Variants in SH2D4B observed in about 807,000 individuals in gnomAD.
SH2D4B encodes the protein SH2 domain-containing protein 4B.
In SH2D4B, 45 loss-of-function variants were observed where a neutral mutation model predicts 61.5. That is an observed-to-expected ratio of 0.73 (90% confidence interval 0.58 to 0.94). SH2D4B has a LOEUF of 0.94. Among genes scored for constraint, SH2D4B ranks in the 40% least tolerant of loss-of-function variants. The pLI is 0.00. For missense variants in SH2D4B, 572 were observed against 574.2 expected, an observed-to-expected ratio of 1.00 and a Z score of 0.04; for synonymous variants, 224 against 220.4, an observed-to-expected ratio of 1.02 and a Z score of -0.14.
chr10:80,587,951 C>T (rs903254543), intron 3 of SH2D4B, among the ~76,000 whole-genome samples: 1 of 152,206 alleles, frequency 6.6e-6, no homozygotes, highest in South Asian at 2.1e-4. Context: ...GTGTAGTATT[C>T]TGTGGCATTC....
intron 6 of SH2D4B, among the ~76,000 whole-genome samples, chr10:80,617,053 G>A (rs1267187557): frequency 2.0e-4 from 30 of 152,256 alleles, no homozygotes; most frequent in African/African-American, 3.4e-4. Flanking sequence ...TTTAGTAAGT[G>A]GGGGAGGTGG....
chr10:80,609,754 G>T (rs1372558292), intron 6 of SH2D4B, among the ~76,000 whole-genome samples: 1 of 152,208 alleles, frequency 6.6e-6, no homozygotes, highest in Admixed American at 6.5e-5. Context: ...TTCTGGGAAG[G>T]GATGAACATG....
intron 1 of SH2D4B, among the ~76,000 whole-genome samples, chr10:80,565,267 T>C (rs1020207729): frequency 2.5e-4 from 38 of 152,176 alleles, no homozygotes; most frequent in Admixed American, 2.0e-4. Context: ...TCACACTATC[T>C]AACTTTATTT....
chr10:80,554,134 G>C (rs1841796652), intron 1 of SH2D4B, among the ~76,000 whole-genome samples: 1 of 152,216 alleles, frequency 6.6e-6, no homozygotes, highest in Non-Finnish European at 1.5e-5. Flanking sequence ...GAAGACTGAA[G>C]TTCCAGAAGA....
intron 4 of SH2D4B, among the ~76,000 whole-genome samples, chr10:80,591,636 G>A (rs1481252534): frequency 6.6e-6 from 1 of 151,818 alleles, no homozygotes; most frequent in African/African-American, 2.4e-5. Flanking sequence ...TAGTAGCTGG[G>A]ATTACAGGTG....
chr10:80,556,837 A>C (rs1841843971), intron 1 of SH2D4B, among the ~76,000 whole-genome samples: 1 of 152,200 alleles, frequency 6.6e-6, no homozygotes, highest in Non-Finnish European at 1.5e-5. Context: ...TGATTATGTC[A>C]TATGCAAATG....
chr10:80,564,520 C>T (rs978856680), intron 1 of SH2D4B, among the ~76,000 whole-genome samples: 1 of 152,236 alleles, frequency 6.6e-6, no homozygotes, highest in Non-Finnish European at 1.5e-5. Flanking sequence ...GGGTCCTCCT[C>T]CTCTTGAAGT....
At position 80,603,783 on chromosome 10, in the gene SH2D4B, C is replaced by T; in HGVS notation, c.848C>T (p.Ala283Val). The T allele has an allele frequency of 6.2e-7, 1 of 1,609,568 alleles. No homozygotes were observed. The change falls in exon 5 of 8, where the codon GCC becomes GTC. Residue 283 changes from alanine to valine, a missense_variant. By Grantham distance (64) the Ala-to-Val change is moderately conservative. Coordinates refer to ENST00000646907, the MANE Select transcript of SH2D4B (RefSeq NM_001388272.1). Reference protein sequence around the residue: ...LPDPGLPQPLALPVSRTWERP... With the variant: ...LPDPGLPQPLVLPVSRTWERP... The stretch of plus-strand genomic sequence containing the variant: ...GACCCGGGTCTGCCGCAGCCCCTTG[C>T]CCTGCCGGTCAGGTGGGTCCAGGCT...
intron 3 of SH2D4B, among the ~76,000 whole-genome samples, chr10:80,583,480 C>T (rs1842207263): frequency 7.2e-6 from 1 of 139,746 alleles, no homozygotes. Context: ...ACCAGCCTGA[C>T]CAACATGATG....
intron 1 of SH2D4B, among the ~76,000 whole-genome samples, chr10:80,546,957 G>A (rs552166410): frequency 6.6e-6 from 1 of 152,312 alleles, no homozygotes; most frequent in African/African-American, 2.4e-5. Flanking sequence ...GGTTTTGTTG[G>A]TGTAATCAAG....
intron 7 of SH2D4B, among the ~76,000 whole-genome samples, chr10:80,635,736 C>T (rs1005931088): frequency 1.3e-5 from 2 of 152,282 alleles, no homozygotes; most frequent in Non-Finnish European, 2.9e-5. Flanking sequence ...GCTCTACATC[C>T]ATGCTCTTAT....
At chr10:80,573,162 G>C (rs1379090157) in intron 3 of SH2D4B, among the ~76,000 whole-genome samples, 1 of 142,302 alleles carries the variant, frequency 7.0e-6, no homozygotes, top group African/African-American at 2.6e-5. Context: ...TTTTTTTTTT[G>C]TATTTTTTAG....
At chr10:80,573,954 C>T (rs1842093641) in intron 3 of SH2D4B, among the ~76,000 whole-genome samples, 1 of 152,140 alleles carries the variant, frequency 6.6e-6, no homozygotes, top group East Asian at 1.9e-4. Flanking sequence ...ATCATTGAAT[C>T]TTCTTGTTCA....
At chr10:80,587,069 C>T (rs60390678) in intron 3 of SH2D4B, among the ~76,000 whole-genome samples, 38,809 of 149,528 alleles carry the variant, frequency 0.26, 5,831 homozygotes, top group African/African-American at 0.4. Context: ...ACACTCACCT[C>T]GAGGGTCCGC....
At chr10:80,580,848 A>G (rs1249402158) in intron 3 of SH2D4B, among the ~76,000 whole-genome samples, 2 of 152,188 alleles carry the variant, frequency 1.3e-5, no homozygotes, top group East Asian at 3.8e-4. Flanking sequence ...GGCTTTGGGC[A>G]GCCAGAGCAA....
rs557407181 is a variant in SH2D4B, at chr10:80,611,676, C to T, written c.988+2125C>T. Among the ~76,000 whole-genome samples the T allele has an allele frequency of 8.5e-5, 13 of 152,244 alleles. No individual in the cohort carries two copies. In the East Asian group the frequency reaches 1.3e-3, roughly 16 times the overall value. On this transcript the variant is annotated intron_variant, in intron 6 of 7. Transcript: ENST00000646907. ...TGTGGAGTGTAACTCAGGAGTGGCA[C>T]GTGGGTGAGAGTGGGCAGCTGTGCC...
In SH2D4B at chr10:80,603,806, G is replaced by A; in HGVS notation, c.860+11G>A. On this transcript the variant is annotated intron_variant, in intron 5 of 7. Transcript: ENST00000646907. ...TGCCCTGCCGGTCAGGTGGGTCCAG[G>A]CTCCGTGTTGGTGTGGTTGGGGCAA... The A allele has an allele frequency of 6.2e-7, 1 of 1,603,244 alleles. No individual in the cohort carries two copies.
intron 1 of SH2D4B, among the ~76,000 whole-genome samples, chr10:80,542,549 C>A (rs554884732): frequency 6.6e-6 from 1 of 151,914 alleles, no homozygotes; most frequent in East Asian, 1.9e-4. Context: ...AGGCGCCCAC[C>A]ACCACAACCA....
chr10:80,633,898 A>G (rs539993661), intron 6 of SH2D4B, among the ~76,000 whole-genome samples: 1 of 152,356 alleles, frequency 6.6e-6, no homozygotes, highest in African/African-American at 2.4e-5. Context: ...CTAGTCTTTA[A>G]AGCAGGCCTC....
Sources: gnomAD v4.1 joint callset for allele counts (sites outside exome capture counted in the v4.1 genomes callset) on GRCh38, gnomAD v4.1.1 for gene constraint, MANE v1.5 for transcripts, NCBI Gene and HGNC (gene_info 2026-07-23, HGNC 2026-07-21) for gene names.